ACTR3C: variants seen among roughly 807,000 people sequenced by gnomAD.
The protein encoded by ACTR3C is actin related protein 3C.
In ACTR3C, 18 loss-of-function variants were observed where a neutral mutation model predicts 26.3. The observed-to-expected ratio is 0.68, with a 90% CI of 0.47 to 1.01. ACTR3C has a LOEUF of 1.01. ACTR3C is among the 50% of genes least tolerant of loss of function. The pLI is 0.00. For synonymous variants in ACTR3C, 55 were observed against 94.5 expected (o/e 0.58, Z 2.42); for missense variants, 184 against 250.7 (o/e 0.73, Z 1.80).
At chr7:149,903,349 G>C in the ACTR3C span, among the ~76,000 whole-genome samples, 6,773 of 150,362 alleles carry the variant, frequency 0.045, no homozygotes, top group Middle Eastern at 0.1. Flanking sequence ...TTTAAAGAAT[G>C]TGCAGACTGT....
the ACTR3C span, among the ~76,000 whole-genome samples, chr7:149,914,268 G>C: frequency 6.6e-6 from 1 of 151,926 alleles, no homozygotes; most frequent in African/African-American, 2.4e-5. Context: ...TGTAGGAAAT[G>C]CTTTCCAATT....
chr7:150,106,043 T>C, the ACTR3C span, among the ~76,000 whole-genome samples: 1 of 151,888 alleles, frequency 6.6e-6, no homozygotes, highest in Non-Finnish European at 1.5e-5. Context: ...AACAGAAAAA[T>C]AAGCTTAAAT....
At chr7:150,253,186 A>G (rs940771407) in intron 6 of ACTR3C, among the ~76,000 whole-genome samples, 6 of 152,246 alleles carry the variant, frequency 3.9e-5, no homozygotes, top group Admixed American at 6.5e-5. Flanking sequence ...AGTCTACACA[A>G]GAAGATAAAG....
chr7:150,117,431 A>C, the ACTR3C span, among the ~76,000 whole-genome samples: 2 of 152,172 alleles, frequency 1.3e-5, no homozygotes, highest in Non-Finnish European at 2.9e-5. Context: ...GCTTGAGTAC[A>C]TGGTTTTCCC....
chr7:149,914,286 T>C, the ACTR3C span, among the ~76,000 whole-genome samples: 1 of 151,922 alleles, frequency 6.6e-6, no homozygotes, highest in African/African-American at 2.4e-5. Context: ...ATTCAAACTA[T>C]GCAATTAAGA....
At chr7:150,229,230 A>G in the ACTR3C span, among the ~76,000 whole-genome samples, 27 of 151,878 alleles carry the variant, frequency 1.8e-4, no homozygotes, top group East Asian at 5.0e-3. Flanking sequence ...GTTGAATAGG[A>G]GTGGTGAGAA....
the ACTR3C span, among the ~76,000 whole-genome samples, chr7:150,160,552 A>G: frequency 1.3e-5 from 2 of 152,242 alleles, no homozygotes; most frequent in African/African-American, 2.4e-5. Context: ...ATCTAGAGGC[A>G]TTTTGATGTT....
chr7:149,960,597 C>T, the ACTR3C span, among the ~76,000 whole-genome samples: 1 of 152,098 alleles, frequency 6.6e-6, no homozygotes, highest in Admixed American at 6.5e-5. Context: ...GACTTGGTTC[C>T]GTCATTTTGG....
chr7:150,045,376 C>A, the ACTR3C span, among the ~76,000 whole-genome samples: 1 of 152,178 alleles, frequency 6.6e-6, no homozygotes, highest in Non-Finnish European at 1.5e-5. Context: ...TTAAAGGATG[C>A]AACATTCAGC....
chr7:150,119,368 G>A, the ACTR3C span, among the ~76,000 whole-genome samples: 56 of 152,248 alleles, frequency 3.7e-4, no homozygotes, highest in Non-Finnish European at 6.2e-4. Context: ...ACACACATAG[G>A]CTTAAAATAA....
chr7:150,088,029 C>T, the ACTR3C span, among the ~76,000 whole-genome samples: 3 of 152,204 alleles, frequency 2.0e-5, no homozygotes, highest in African/African-American at 4.8e-5. Context: ...AATTGGGTTA[C>T]TTGTCAGTTT....
the ACTR3C span, among the ~76,000 whole-genome samples, chr7:150,228,257 G>C: frequency 6.6e-6 from 1 of 152,024 alleles, no homozygotes; most frequent in Non-Finnish European, 1.5e-5. Flanking sequence ...TTTATTTTTG[G>C]TGATGCCGTA....
At chr7:149,967,282 G>T in the ACTR3C span, among the ~76,000 whole-genome samples, 4 of 151,888 alleles carry the variant, frequency 2.6e-5, no homozygotes, top group Non-Finnish European at 5.9e-5. Flanking sequence ...TGATCCACCC[G>T]CCTCAGCCTC....
chr7:150,123,126 C>G, the ACTR3C span, among the ~76,000 whole-genome samples: 1 of 151,564 alleles, frequency 6.6e-6, no homozygotes, highest in Non-Finnish European at 1.5e-5. Context: ...GGAGAAATAC[C>G]TAATGTAGAT....
At chr7:150,247,936 C>G (rs74621454) in intron 7 of ACTR3C, 3,747 of 152,416 alleles carry the variant, frequency 0.025, 82 homozygotes, top group East Asian at 0.079. Context: ...AGCTGGGCAC[C>G]ATGCTGGTAC....
At chr7:150,207,494 G>A in the ACTR3C span, among the ~76,000 whole-genome samples, 1 of 152,270 alleles carries the variant, frequency 6.6e-6, no homozygotes, top group East Asian at 1.9e-4. Context: ...GATGCTTGCT[G>A]AATAAAAGAT....
chr7:150,126,046 T>C, the ACTR3C span, among the ~76,000 whole-genome samples: 13 of 152,348 alleles, frequency 8.5e-5, no homozygotes, highest in Middle Eastern at 3.4e-3. Flanking sequence ...AGAGTCTCTC[T>C]GATGACACAG....
chr7:150,238,925 A>AT (rs1255423151), downstream of ACTR3C, among the ~76,000 whole-genome samples: 1 of 149,270 alleles, frequency 6.7e-6, no homozygotes, highest in Non-Finnish European at 1.5e-5. Context: ...CTAAAACTCT[A>AT]TAACATTCAT....
At chr7:149,929,425 C>CAAAAAA in the ACTR3C span, among the ~76,000 whole-genome samples, 26 of 49,038 alleles carry the variant, frequency 5.3e-4, no homozygotes, top group Non-Finnish European at 6.3e-4. Context: ...AAGATTCTGT[C>CAAAAAA]AAAAAAAAAA....
Sources: gnomAD v4.1 joint callset for allele counts (sites outside exome capture counted in the v4.1 genomes callset) on GRCh38, gnomAD v4.1.1 for gene constraint, MANE v1.5 for transcripts, NCBI Gene and HGNC (gene_info 2026-07-23, HGNC 2026-07-21) for gene names.